Variants in SLC6A12 observed in about 807,000 individuals in gnomAD.
SLC6A12 encodes solute carrier family 6 member 12, also known as sodium- and chloride-dependent betaine transporter.
In SLC6A12, 50 loss-of-function variants were observed where a neutral mutation model predicts 73.3. The ratio of observed to expected loss-of-function variants is 0.68; its 90% confidence interval spans 0.54 to 0.86. SLC6A12 has a LOEUF of 0.86. Among genes scored for constraint, SLC6A12 ranks in the 40% least tolerant of loss-of-function variants. The probability of loss-of-function intolerance (pLI) is 0.00; values close to 1 mark genes in which losing one functional copy is unlikely to be tolerated. For missense variants in SLC6A12, 648 were observed against 772.8 expected, an observed-to-expected ratio of 0.84 and a Z score of 1.92; for synonymous variants, 304 against 309.2, an observed-to-expected ratio of 0.98 and a Z score of 0.18.
Position 197,444 on chromosome 12 carries a change from A to G in SLC6A12, c.1008T>C (p.Val336=), listed in dbSNP as rs1432333836. 3 of 1,613,880 alleles carry G rather than the reference A, an allele frequency of 1.9e-6. No individual in the cohort carries two copies. The African/African-American group carries it at 4.0e-5, about 22-fold the overall frequency. Residue 336 remains valine (V), a synonymous_variant, in exon 10 of 16, where the codon GTT becomes GTC. Transcript: ENST00000684302. Reference sequence around the variant, plus strand: ...ACATGAAGCCCAGGATGGAGAAGACAACAAACCCAGCCACAAAGCTGGTGG... The same window carrying G: ...ACATGAAGCCCAGGATGGAGAAGACGACAAACCCAGCCACAAAGCTGGTGG... ...NSATSFVAGF[V]VFSILGFMSQ...
Position 197,989 on chromosome 12 carries a change from C to T in SLC6A12, c.861G>A (p.Ala287=), listed in dbSNP as rs202060928. Residue 287 remains alanine (A), a synonymous_variant, in exon 9 of 16, where the codon GCG becomes GCA. Transcript: ENST00000684302. ...RLKDPQVWMD[A]GTQIFFSFAI... ...CAAAGGAGAAGAAGATCTGGGTGCC[C>T]GCATCCATCCACACCTACACAAAAC... The T allele has an allele frequency of 9.9e-6, 16 of 1,613,590 alleles. No individual in the cohort carries two copies. The highest frequency in any genetic ancestry group is 4.5e-5 in the East Asian group (2 of 44,842).
At chr12:204,000 T>C (rs544929453) in intron 4 of SLC6A12, 1 of 153,038 alleles carries the variant, frequency 6.5e-6, no homozygotes, top group South Asian at 2.1e-4. Context: ...CCACGACCTC[T>C]CTCCTCTCGC....
chr12:197,366 G>GT lies in SLC6A12; in HGVS notation c.1075+10dup. 1 of 1,611,072 alleles carries GT rather than the reference G, an allele frequency of 6.2e-7. No individual in the cohort carries two copies. The highest frequency in any genetic ancestry group is 8.5e-7 in the Non-Finnish European group (1 of 1,178,462). ...TTCCCCTCAGGCCCCAGACAGCAAAGTGGCACCTACCTGACTCGGCCACTT... is the reference window on the plus strand; with the variant it reads ...TTCCCCTCAGGCCCCAGACAGCAAAGTTGGCACCTACCTGACTCGGCCACTT... On this transcript the variant is annotated intron_variant, in intron 10 of 15. Coordinates refer to ENST00000684302, the MANE Select transcript of SLC6A12 (RefSeq NM_001122848.3).
chr12:185,378 G>A (rs633159), downstream of SLC6A12, among the ~76,000 whole-genome samples: 61,258 of 152,126 alleles, frequency 0.4, 12,468 homozygotes, highest in South Asian at 0.55. Context: ...TAGTGAGATG[G>A]GGACTGAGTC....
intron 3 of SLC6A12, among the ~76,000 whole-genome samples, chr12:208,016 G>A (rs555165574): frequency 5.3e-5 from 8 of 152,302 alleles, no homozygotes; most frequent in African/African-American, 1.4e-4. Context: ...CAGGGTGGGC[G>A]CCCGACACCG....
At chr12:199,988 T>C (rs1193447996) in intron 7 of SLC6A12, among the ~76,000 whole-genome samples, 1 of 151,912 alleles carries the variant, frequency 6.6e-6, no homozygotes, top group Non-Finnish European at 1.5e-5. Context: ...CACACATACG[T>C]ATGAGAGAAA....
In SLC6A12 at chr12:196,115, G is replaced by T. The variant is rs115223250; in HGVS notation, c.1326+9C>A. Reference sequence around the variant, plus strand: ...GAGCCTGGCCTGCAGGCCGGCGGCCGCAGCTCACCTCGGTGACCAGGAAAA... The same window carrying T: ...GAGCCTGGCCTGCAGGCCGGCGGCCTCAGCTCACCTCGGTGACCAGGAAAA... On this transcript the variant is annotated intron_variant, in intron 12 of 15. Coordinates refer to ENST00000684302, the MANE Select transcript of SLC6A12 (RefSeq NM_001122848.3). 6.4e-7 allele frequency: 1 copy of T among 1,553,894 alleles called. No homozygotes were observed. The highest frequency in any genetic ancestry group is 2.0e-5 in the Admixed American group (1 of 51,094).
Position 198,901 on chromosome 12 carries a change from G to A in SLC6A12, c.742C>T (p.Leu248=). ...CTGATCAGCAAAATGACAAGCATCA[G>A]GTACGGAAACGTGGCTGTGAAATAA... ...VVYFTATFPY[L]MLVILLIRGV... The change falls in exon 8 of 16, where the codon CTG becomes TTG. Residue 248 remains leucine, a synonymous_variant. Transcript: ENST00000684302. This position sits in a 1 kb window ranked among gnomAD's most constrained non-coding sequence, Gnocchi z 4.0. 1 of 1,614,192 alleles carries A rather than the reference G, an allele frequency of 6.2e-7. No homozygotes were observed. The highest frequency in any genetic ancestry group is 8.5e-7 in the Non-Finnish European group (1 of 1,180,016).
intron 10 of SLC6A12, among the ~76,000 whole-genome samples, chr12:197,112 TCC>T (rs1939917223): frequency 1.5e-5 from 1 of 67,688 alleles, no homozygotes; most frequent in African/African-American, 5.8e-5. Flanking sequence ...CATCCATCCA[TCC>T]ATCCATCCAT....
chr12:210,193 G>T, intron 2 of SLC6A12, 150 bp from the exon 3 acceptor site: 1 of 1,213,920 alleles, frequency 8.2e-7, no homozygotes, highest in Non-Finnish European at 1.1e-6. Flanking sequence ...TCTCGTAACT[G>T]TAAGAGCAAA....
chr12:204,600 C>T lies in SLC6A12; in HGVS notation c.313G>A (p.Val105Ile). ...GGGCAGATCTTCCTCCAGGCTGTGACACTCCCTTGGCTGGTGTATTGGCCC... is the reference window on the plus strand; with the variant it reads ...GGGCAGATCTTCCTCCAGGCTGTGATACTCCCTTGGCTGGTGTATTGGCCC... ...ALGQYTSQGS[V>I]TAWRKICPLF... Residue 105 changes from valine to isoleucine, a missense_variant, in exon 4 of 16, where the codon GTC becomes ATC. Coordinates refer to ENST00000684302, the MANE Select transcript of SLC6A12 (RefSeq NM_001122848.3). The T allele has an allele frequency of 6.2e-7, 1 of 1,614,218 alleles. No individual in the cohort carries two copies. Among genetic ancestry groups the T allele is most frequent in the Non-Finnish European group, 8.5e-7 (1 of 1,180,030 alleles).
chr12:187,589 C>CAAAAGAAA (rs1939453849), downstream of SLC6A12, among the ~76,000 whole-genome samples: 1 of 106,074 alleles, frequency 9.4e-6, no homozygotes. Context: ...TGCAAAAGAG[C>CAAAAGAAA]AAAAAAAAAA....
At chr12:212,567 G>A (rs1940946104) in intron 1 of SLC6A12, among the ~76,000 whole-genome samples, 1 of 152,142 alleles carries the variant, frequency 6.6e-6, no homozygotes, top group African/African-American at 2.4e-5. Context: ...CGTAACTTGT[G>A]GTTCAGAATG....
intron 1 of SLC6A12, among the ~76,000 whole-genome samples, chr12:212,848 G>C (rs74057623): frequency 0.024 from 3,616 of 152,078 alleles, 122 homozygotes; most frequent in African/African-American, 0.073. Context: ...CCAGCCCCTC[G>C]AGTCTCCTCC....
At chr12:199,930 C>T (rs1348213670) in intron 7 of SLC6A12, among the ~76,000 whole-genome samples, 3 of 152,008 alleles carry the variant, frequency 2.0e-5, no homozygotes, top group Non-Finnish European at 2.9e-5. Context: ...GTCATAAGAG[C>T]GTGTGATCCT....
At chr12:206,040 G>T (rs570003876) in intron 3 of SLC6A12, among the ~76,000 whole-genome samples, 1 of 152,286 alleles carries the variant, frequency 6.6e-6, no homozygotes, top group South Asian at 2.1e-4. Context: ...TGAGTCAAAA[G>T]TTATGCACTT....
chr12:185,010 G>A, the SLC6A12 span, among the ~76,000 whole-genome samples: 2 of 152,122 alleles, frequency 1.3e-5, no homozygotes, highest in Non-Finnish European at 2.9e-5. Context: ...AGGAAGCAAG[G>A]ATGCCAGCTG....
rs778209309 is a variant in SLC6A12, at chr12:200,739, G to A, written c.623C>T (p.Ser208Phe). The change falls in exon 7 of 16, where the codon TCC becomes TTC. Residue 208 changes from serine to phenylalanine, a missense_variant. By Grantham distance (155) the Ser-to-Phe change is radical (BLOSUM62 -2). Coordinates refer to ENST00000684302, the MANE Select transcript of SLC6A12 (RefSeq NM_001122848.3). ...GITSGIHDLG[S>F]LRWELALCLL... The stretch of plus-strand genomic sequence containing the variant: ...GCACAGGGCCAGCTCCCAGCGCAGG[G>A]AGCCCAGGTCATGGATGCCCGAGGT... The A allele has an allele frequency of 4.3e-6, 7 of 1,614,028 alleles. No homozygotes were observed. The highest frequency in any genetic ancestry group is 4.2e-6 in the Non-Finnish European group (5 of 1,180,022).
Position 213,417 on chromosome 12 carries a change from C to G in SLC6A12, c.-143+505G>C, listed in dbSNP as rs1940987003. 1.3e-5 allele frequency: 2 copies of G among 152,494 alleles called. No individual in the cohort carries two copies. Among genetic ancestry groups the G allele is most frequent in the Admixed American group, 1.3e-4 (2 of 15,288 alleles). The allele number at this position is 152,494 out of a possible 1,614,324, so 9.4% of individuals were successfully genotyped here. On this transcript the variant is annotated intron_variant, in intron 1 of 15. Coordinates refer to ENST00000684302, the MANE Select transcript of SLC6A12 (RefSeq NM_001122848.3). This position sits in a 1 kb window ranked among gnomAD's most constrained non-coding sequence, Gnocchi z 5.3. ...TCGGGTACAAGCACACCCATAGCAT[C>G]CACCGCCCAAAGCCAAGACAGCTTC...
Sources: gnomAD v4.1 joint callset for allele counts (sites outside exome capture counted in the v4.1 genomes callset) on GRCh38, gnomAD v4.1.1 for gene constraint, Gnocchi (gnomAD v3.1) non-coding constraint, MANE v1.5 for transcripts, NCBI Gene and HGNC (gene_info 2026-07-23, HGNC 2026-07-21) for gene names.